Variants in PGM5 observed in about 807,000 individuals in gnomAD.
PGM5 encodes the protein phosphoglucomutase-like protein 5.
In PGM5, 23 loss-of-function variants were observed where a neutral mutation model predicts 59.2. The observed-to-expected ratio is 0.39, with a 90% CI of 0.28 to 0.55. PGM5 has a LOEUF of 0.55. Ranked by LOEUF, PGM5 falls within the 20% of genes least tolerant of loss-of-function variation. The pLI is 0.66. For missense variants in PGM5, 574 were observed against 748.3 expected, an observed-to-expected ratio of 0.77 and a Z score of 2.72; for synonymous variants, 214 against 286.0, an observed-to-expected ratio of 0.75 and a Z score of 2.54.
chr9:68,379,402 C>A (rs1322013382), intron 2 of PGM5, among the ~76,000 whole-genome samples: 3 of 152,108 alleles, frequency 2.0e-5, no homozygotes, highest in Admixed American at 2.0e-4. Context: ...ATCTATCCCT[C>A]CTTGCAGACG....
intron 10 of PGM5, among the ~76,000 whole-genome samples, chr9:68,500,490 A>G (rs1199801674): frequency 6.6e-6 from 1 of 151,904 alleles, no homozygotes; most frequent in African/African-American, 2.4e-5. Flanking sequence ...TACCAAGAGC[A>G]TGAGTGGGCA....
chr9:68,359,693 G>A (rs1296250821), intron 1 of PGM5, among the ~76,000 whole-genome samples: 1 of 152,066 alleles, frequency 6.6e-6, no homozygotes, highest in Admixed American at 6.5e-5. Context: ...ATATCCTATT[G>A]GATACTCATA....
intron 1 of PGM5, among the ~76,000 whole-genome samples, chr9:68,372,159 C>T (rs1301052459): frequency 2.6e-5 from 4 of 152,006 alleles, no homozygotes; most frequent in African/African-American, 9.7e-5. Flanking sequence ...TAACAAATTA[C>T]CACATATTTG....
chr9:68,406,087 A>C (rs1366690621), intron 6 of PGM5: 1 of 152,108 alleles, frequency 6.6e-6, no homozygotes, highest in Non-Finnish European at 1.5e-5. Context: ...GTGTACTCAA[A>C]TGAGCTCATG....
At chr9:68,462,211 T>G (rs1823867559) in intron 6 of PGM5, among the ~76,000 whole-genome samples, 1 of 152,126 alleles carries the variant, frequency 6.6e-6, no homozygotes, top group Admixed American at 6.5e-5. Flanking sequence ...GTTCTCATGT[T>G]TATCTCCCCG....
At chr9:68,467,093 C>T (rs1823947031) in intron 7 of PGM5, among the ~76,000 whole-genome samples, 1 of 152,130 alleles carries the variant, frequency 6.6e-6, no homozygotes, top group African/African-American at 2.4e-5. Context: ...TCCTTGTCTC[C>T]CAGTGACAGC....
chr9:68,472,951 T>C (rs1824045240), intron 7 of PGM5, among the ~76,000 whole-genome samples: 3 of 152,256 alleles, frequency 2.0e-5, no homozygotes, highest in South Asian at 2.1e-4. Context: ...CTTTGTTCTC[T>C]AATTGATGAA....
chr9:68,419,152 T>C (rs934493666), intron 6 of PGM5, among the ~76,000 whole-genome samples: 16 of 152,142 alleles, frequency 1.1e-4, no homozygotes, highest in Admixed American at 6.5e-5. Context: ...CTCAATTCCA[T>C]AGCTGATTAT....
chr9:68,462,849 G>T (rs1466741459), intron 6 of PGM5, among the ~76,000 whole-genome samples: 1 of 152,036 alleles, frequency 6.6e-6, no homozygotes, highest in Non-Finnish European at 1.5e-5. Context: ...AGTTTCTGAT[G>T]ATGAAATTCA....
intron 7 of PGM5, among the ~76,000 whole-genome samples, chr9:68,470,330 A>G (rs1393071498): frequency 1.3e-5 from 2 of 152,108 alleles, no homozygotes; most frequent in African/African-American, 4.8e-5. Context: ...CTGTTGTCTT[A>G]TGGTTTATGT....
chr9:68,514,647 G>A (rs141697748), intron 10 of PGM5, among the ~76,000 whole-genome samples: 11 of 152,008 alleles, frequency 7.2e-5, no homozygotes, highest in African/African-American at 2.7e-4. Context: ...AAAACTGGAG[G>A]GAAAAAAGGG....
chr9:68,501,678 A>AT (rs1476018843), intron 10 of PGM5, among the ~76,000 whole-genome samples: 1 of 152,214 alleles, frequency 6.6e-6, no homozygotes, highest in Non-Finnish European at 1.5e-5. Context: ...CAGAGATTCC[A>AT]TTGCTGATCT....
chr9:68,412,275 C>T (rs1368025339), intron 6 of PGM5, among the ~76,000 whole-genome samples: 3 of 152,192 alleles, frequency 2.0e-5, no homozygotes, highest in Non-Finnish European at 4.4e-5. Flanking sequence ...TTATTTAAAT[C>T]TTCAACTTTG....
chr9:68,401,927 GTGTA>G (rs782626206), intron 6 of PGM5, among the ~76,000 whole-genome samples: 3,620 of 58,220 alleles, frequency 0.062, 84 homozygotes, highest in African/African-American at 0.21. Context: ...GTGTGTGTGT[GTGTA>G]TATATTTGTC....
intron 10 of PGM5, among the ~76,000 whole-genome samples, chr9:68,500,278 G>T (rs553913403): frequency 6.6e-6 from 1 of 152,100 alleles, no homozygotes; most frequent in African/African-American, 2.4e-5. Context: ...TTCTTTGTCA[G>T]TAGTTTAGGG....
chr9:68,522,068 C>A (rs1377396028), intron 10 of PGM5, among the ~76,000 whole-genome samples: 1 of 152,108 alleles, frequency 6.6e-6, no homozygotes, highest in Non-Finnish European at 1.5e-5. Context: ...CGGCCTGGCC[C>A]ACATGGAGAA....
At chr9:68,413,062 C>T (rs2770848) in intron 6 of PGM5, among the ~76,000 whole-genome samples, 26 of 152,102 alleles carry the variant, frequency 1.7e-4, no homozygotes, top group South Asian at 4.2e-4. Context: ...GGGCTTGGCC[C>T]GAAATCAGGG....
At chr9:68,487,419 G>T (rs559418938) in intron 9 of PGM5, among the ~76,000 whole-genome samples, 4 of 137,130 alleles carry the variant, frequency 2.9e-5, no homozygotes, top group African/African-American at 8.4e-5. Flanking sequence ...TCAAGAAAAG[G>T]ATACAACTAT....
intron 1 of PGM5, chr9:68,371,844 G>A (rs1268772468): frequency 6.6e-6 from 1 of 152,152 alleles, no homozygotes; most frequent in Non-Finnish European, 1.5e-5. Flanking sequence ...AGAAGACATA[G>A]ACACGCAGAG....
Sources: allele counts gnomAD v4.1 joint callset (sites outside exome capture counted in the v4.1 genomes callset), GRCh38; gene constraint gnomAD v4.1.1; transcripts MANE v1.5; gene names NCBI Gene and HGNC (gene_info 2026-07-23, HGNC 2026-07-21).